Variants in PXN observed in about 807,000 individuals in gnomAD.
PXN encodes the protein paxillin.
In PXN, 61 loss-of-function variants were observed where a neutral mutation model predicts 103.6. That is an observed-to-expected ratio of 0.59 (90% confidence interval 0.48 to 0.73). PXN has a LOEUF of 0.73. Ranked by LOEUF, PXN falls within the 30% of genes least tolerant of loss-of-function variation. The probability of loss-of-function intolerance (pLI) is 0.00; values close to 1 mark genes in which losing one functional copy is unlikely to be tolerated. For synonymous variants in PXN, 562 were observed against 607.8 expected (o/e 0.92, Z 1.11); for missense variants, 1,274 against 1,460.3 (o/e 0.87, Z 2.08).
Position 120,213,842 on chromosome 12 carries a change from C to G in PXN, c.2979G>C (p.Arg993=). 6.2e-7 allele frequency: 1 copy of G among 1,609,902 alleles called. No individual in the cohort carries two copies. Among genetic ancestry groups the G allele is most frequent in the Non-Finnish European group, 8.5e-7 (1 of 1,178,252 alleles). Residue 993 remains arginine (R), a splice_region_variant and synonymous_variant, in exon 14 of 15, where the codon CGG becomes CGC. Coordinates refer to ENST00000637617, the MANE Select transcript of PXN (RefSeq NM_001385981.1). The surrounding 1 kb of genome is among the most constrained non-coding windows in gnomAD (Gnocchi z 4.2). The part of the protein sequence containing the change: ...TLWHPECFVC[R]ECFTPFVNGS... ...CCAGATGTGGTCAGGGGCTCCTTAC[C>G]CGGCACACAAAGCACTCAGGATGCC...
chr12:120,248,698 C>A (rs1891634746), intron 1 of PXN: 1 of 152,244 alleles, frequency 6.6e-6, no homozygotes, highest in African/African-American at 2.4e-5. Context: ...AGCAACTAAC[C>A]TCGGGCAAGT....
intron 1 of PXN, among the ~76,000 whole-genome samples, chr12:120,232,065 GC>G (rs1275745851): frequency 6.6e-6 from 1 of 152,194 alleles, no homozygotes; most frequent in African/African-American, 2.4e-5. Context: ...GTCTTGTTCT[GC>G]CACTCAGGCT....
intron 1 of PXN, among the ~76,000 whole-genome samples, chr12:120,251,783 C>T (rs752083556): frequency 7.2e-5 from 11 of 152,146 alleles, no homozygotes; most frequent in Non-Finnish European, 1.6e-4. Context: ...TGCCACTGTA[C>T]TCCAGCCTGG....
Position 120,224,685 on chromosome 12 carries a change from G to A in PXN, c.14-308C>T, listed in dbSNP as rs756731414. 1 of 618,230 alleles carries A rather than the reference G, an allele frequency of 1.6e-6. No homozygotes were observed. Among genetic ancestry groups the A allele is most frequent in the South Asian group, 1.5e-5 (1 of 66,040 alleles). 38.3% of individuals were successfully genotyped at this position (618,230 alleles called of 1,614,324 possible). ...CTGGCACTGCGTTCCCTCCTGACAG[G>A]GCCGCGCAGCCGCGAGTGAAGTGCC... On this transcript the variant is annotated intron_variant, in intron 1 of 14. Coordinates refer to ENST00000637617, the MANE Select transcript of PXN (RefSeq NM_001385981.1). This position sits in a 1 kb window ranked among gnomAD's most constrained non-coding sequence, Gnocchi z 5.0.
Position 120,222,422 on chromosome 12 carries a change from C to G in PXN, c.695+127G>C. Reference sequence around the variant, plus strand: ...TGTCCATGTGACTCACCACTATCCCCCCAGTGCCTGGCAAATGGCAGACAC... The same window carrying G: ...TGTCCATGTGACTCACCACTATCCCGCCAGTGCCTGGCAAATGGCAGACAC... On this transcript the variant is annotated intron_variant, in intron 5 of 14. Transcript: ENST00000637617. This position sits in a 1 kb window ranked among gnomAD's most constrained non-coding sequence, Gnocchi z 4.7. The G allele has an allele frequency of 9.2e-7, 1 of 1,087,322 alleles. No individual in the cohort carries two copies. Among genetic ancestry groups the G allele is most frequent in the Non-Finnish European group, 1.3e-6 (1 of 772,522 alleles). 67.4% of individuals were successfully genotyped at this position (1,087,322 alleles called of 1,614,324 possible). A position where few individuals can be genotyped will look rare whatever the true frequency, so the allele number is the denominator to read the frequency against.
intron 1 of PXN, among the ~76,000 whole-genome samples, chr12:120,251,725 G>A (rs1251643917): frequency 6.6e-6 from 1 of 152,176 alleles, no homozygotes; most frequent in Non-Finnish European, 1.5e-5. Flanking sequence ...GCTGAGGCAG[G>A]AGAATTGCTT....
At chr12:120,239,406 C>G (rs1889744125) in intron 1 of PXN, among the ~76,000 whole-genome samples, 1 of 152,146 alleles carries the variant, frequency 6.6e-6, no homozygotes, top group Non-Finnish European at 1.5e-5. Context: ...CATGGTGAAA[C>G]CCCGTCTCTA....
chr12:120,243,921 T>C (rs1335322501), intron 1 of PXN, among the ~76,000 whole-genome samples: 2 of 152,078 alleles, frequency 1.3e-5, no homozygotes, highest in Non-Finnish European at 2.9e-5. Context: ...TATATTCATC[T>C]TCATCTGAGC....
In PXN at chr12:120,220,121, GGA is replaced by G. The variant is rs376471619; in HGVS notation, c.832-32_832-31del. On this transcript the variant is annotated intron_variant, in intron 6 of 14. Transcript: ENST00000637617. The surrounding 1 kb of genome is among the most constrained non-coding windows in gnomAD (Gnocchi z 6.1). ...AGAAGAGAGAAATGCAGAGGGGAGA[GGA>G]GAGAGAGAGATGAGGGGAGTGAGGA... is the stretch of plus-strand genomic sequence containing the variant. The G allele has an allele frequency of 1.2e-4, 109 of 890,670 alleles. No homozygotes were observed. The highest frequency in any genetic ancestry group is 2.8e-4 in the South Asian group (16 of 56,272). 55.2% of individuals were successfully genotyped at this position (890,670 alleles called of 1,614,324 possible).
chr12:120,216,845 T>C lies in PXN; in HGVS notation c.1988A>G (p.Glu663Gly). 2 of 1,526,226 alleles carry C rather than the reference T, an allele frequency of 1.3e-6. No individual in the cohort carries two copies. Among genetic ancestry groups the C allele is most frequent in the South Asian group, 1.2e-5 (1 of 80,936 alleles). 94.5% of individuals were successfully genotyped at this position (1,526,226 alleles called of 1,614,324 possible). Reference protein sequence around the residue: ...RGKRAGGQLVEKVVFPPGSPI... With the variant: ...RGKRAGGQLVGKVVFPPGSPI... Reference sequence around the variant, plus strand: ...CCATGGGCATCTCCTCGCCACCTTCTCTACGAGCTGCCCCCCGGCCCGCTT... The same window carrying C: ...CCATGGGCATCTCCTCGCCACCTTCCCTACGAGCTGCCCCCCGGCCCGCTT... Residue 663 changes from glutamate to glycine, a missense_variant, in exon 8 of 15, where the codon GAG becomes GGG. Transcript: ENST00000637617. The surrounding 1 kb of genome is among the most constrained non-coding windows in gnomAD (Gnocchi z 5.1).
rs776330217 is a variant in PXN, at chr12:120,214,122, G to A, written c.2830+14C>T. 28 of 1,553,474 alleles carry A rather than the reference G, an allele frequency of 1.8e-5. No individual in the cohort carries two copies. Among genetic ancestry groups the A allele is most frequent in the South Asian group, 7.1e-5 (6 of 84,238 alleles). ...CTAAGAGGCGGTGGGTCAGTCCGCC[G>A]GTCCAGCCCGTACCTTCGGGACCAA... On this transcript the variant is annotated intron_variant, in intron 13 of 14. Transcript: ENST00000637617. The surrounding 1 kb of genome is among the most constrained non-coding windows in gnomAD (Gnocchi z 5.0).
intron 1 of PXN, among the ~76,000 whole-genome samples, chr12:120,251,161 C>T (rs934186463): frequency 5.9e-5 from 9 of 151,384 alleles, no homozygotes; most frequent in Admixed American, 2.0e-4. Flanking sequence ...GCTGAGATCA[C>T]GCCACTGCAC....
chr12:120,229,664 C>T lies in PXN; in HGVS notation c.14-5287G>A, dbSNP rs1340695998. 6.6e-6 allele frequency among the ~76,000 whole-genome samples: 1 copy of T among 152,194 alleles called. No individual in the cohort carries two copies. Among genetic ancestry groups the T allele is most frequent in the Non-Finnish European group, 1.5e-5 (1 of 68,028 alleles). ...CTGACTTAGCACAGTGCCTGGAATA[C>T]AGCACACAGGAAATGGGAGTTGCTA... is the stretch of plus-strand genomic sequence containing the variant. On this transcript the variant is annotated intron_variant, in intron 1 of 14. Transcript: ENST00000637617. The surrounding 1 kb of genome is among the most constrained non-coding windows in gnomAD (Gnocchi z 4.0).
At position 120,219,204 on chromosome 12, in the gene PXN, T is replaced by C. The variant is rs929303370; in HGVS notation, c.1716+3A>G. ...CCCAGCAGCCATGCGAGCTGGTGCC[T>C]GCCTGGCCAGAGGTGGAAATCCTCT... On this transcript the variant is annotated splice_donor_region_variant and intron_variant, in intron 7 of 14. Coordinates refer to ENST00000637617, the MANE Select transcript of PXN (RefSeq NM_001385981.1). The surrounding 1 kb of genome is among the most constrained non-coding windows in gnomAD (Gnocchi z 6.5). 8 of 1,563,536 alleles carry C rather than the reference T, an allele frequency of 5.1e-6. No individual in the cohort carries two copies. In the African/African-American group the frequency reaches 8.1e-5, roughly 16 times the overall value.
rs556617318 is a variant in PXN at position 120,224,167 on chromosome 12, C to T, written c.224G>A (p.Arg75Gln). Residue 75 changes from arginine (R) to glutamine (Q), a missense_variant, in exon 2 of 15, where the codon CGA becomes CAA. Transcript: ENST00000637617. The surrounding 1 kb of genome is among the most constrained non-coding windows in gnomAD (Gnocchi z 5.0). ...CCGCCTCACCTGCTGGTGGATGAATCGGGAGCTGCTGGGCTGCCACTGGTC... is the reference window on the plus strand; with the variant it reads ...CCGCCTCACCTGCTGGTGGATGAATTGGGAGCTGCTGGGCTGCCACTGGTC... ...PLDQWQPSSSRFIHQQPQSSS... is the reference protein window; with the variant it reads ...PLDQWQPSSSQFIHQQPQSSS... 1.0e-4 allele frequency: 165 copies of T among 1,582,652 alleles called. 5 individuals are homozygous for T. The Middle Eastern group carries it at 1.4e-3, about 13-fold the overall frequency.
At position 120,244,473 on chromosome 12, in the gene PXN, C is replaced by T. The variant is rs1228426280; in HGVS notation, c.14-20096G>A. Among the ~76,000 whole-genome samples the T allele has an allele frequency of 9.2e-5, 14 of 151,930 alleles. No individual in the cohort carries two copies. The East Asian group carries it at 1.9e-3, about 21-fold the overall frequency. On this transcript the variant is annotated intron_variant, in intron 1 of 14. Coordinates refer to ENST00000637617, the MANE Select transcript of PXN (RefSeq NM_001385981.1). Reference sequence around the variant, plus strand: ...CATCCTGGCTAACACGGTGAAACCCCGTCTCTACTAAAAATACAAAAAAAA... The same window carrying T: ...CATCCTGGCTAACACGGTGAAACCCTGTCTCTACTAAAAATACAAAAAAAA...
intron 1 of PXN, among the ~76,000 whole-genome samples, chr12:120,257,643 C>T (rs1279888439): frequency 6.6e-6 from 1 of 152,210 alleles, no homozygotes; most frequent in Non-Finnish European, 1.5e-5. Context: ...TCCAAGAGGG[C>T]CAGCTTTGAG....
chr12:120,244,955 C>T (rs1471261590), intron 1 of PXN, among the ~76,000 whole-genome samples: 4 of 151,976 alleles, frequency 2.6e-5, no homozygotes, highest in African/African-American at 4.8e-5. Flanking sequence ...CACTGGGTGG[C>T]CTATCTGGCT....
At position 120,221,671 on chromosome 12, in the gene PXN, A is replaced by T; in HGVS notation, c.783T>A (p.Ser261=). The stretch of plus-strand genomic sequence containing the variant: ...TCAGCTCGTCCAGCTCCCTGGTGGC[A>T]GAGGAGGCCGAGATGCGTGTCTGCT... ...TQQQTRISAS[S]ATRELDELMA... is the part of the protein sequence containing the mutation. Residue 261 remains serine, a synonymous_variant, in exon 6 of 15, where the codon TCT becomes TCA. Coordinates refer to ENST00000637617, the MANE Select transcript of PXN (RefSeq NM_001385981.1). This position sits in a 1 kb window ranked among gnomAD's most constrained non-coding sequence, Gnocchi z 6.6. 2 of 1,564,318 alleles carry T rather than the reference A, an allele frequency of 1.3e-6. No homozygotes were observed. The highest frequency in any genetic ancestry group is 1.7e-6 in the Non-Finnish European group (2 of 1,154,536).
Sources: allele counts gnomAD v4.1 joint callset (sites outside exome capture counted in the v4.1 genomes callset), GRCh38; gene constraint gnomAD v4.1.1; non-coding constraint Gnocchi (gnomAD v3.1); transcripts MANE v1.5; gene names NCBI Gene and HGNC (gene_info 2026-07-23, HGNC 2026-07-21).